The following EBF1 variants were observed in gnomAD, a reference collection of about 807,000 sequenced individuals.
EBF1 encodes EBF transcription factor 1.
Under a neutral mutation model 68.4 loss-of-function variants are expected in EBF1, and 10 were observed. The ratio of observed to expected loss-of-function variants is 0.15; its 90% confidence interval spans 0.09 to 0.25. The LOEUF (loss-of-function observed/expected upper bound fraction) is 0.25. Ranked by LOEUF, EBF1 falls within the 10% of genes least tolerant of loss-of-function variation. EBF1 has a pLI of 1.00. For missense variants in EBF1, 509 were observed against 794.4 expected (o/e 0.64, Z 4.32); for synonymous variants, 298 against 299.8 (o/e 0.99, Z 0.06).
rs538465362 is a variant in EBF1 at position 159,046,597 on chromosome 5, C to T, written c.554+26799G>A. On this transcript the variant is annotated intron_variant, in intron 6 of 15. Coordinates refer to ENST00000313708, the MANE Select transcript of EBF1 (RefSeq NM_024007.5). ...ACTGGAGACTCAAGCTACTAGTGAG[C>T]GTCTTTCTTTTTTTAAACAGGTGCT... Among the ~76,000 whole-genome samples, 6 of 152,212 alleles carry T rather than the reference C, an allele frequency of 3.9e-5. No homozygotes were observed. In the East Asian group the frequency reaches 1.2e-3, roughly 29 times the overall value.
At chr5:158,995,686 T>G (rs78303316) in intron 6 of EBF1, among the ~76,000 whole-genome samples, 1,863 of 152,258 alleles carry the variant, frequency 0.012, 43 homozygotes, top group African/African-American at 0.043. Flanking sequence ...AGGGTCATTG[T>G]AAGGATTAAC....
At chr5:159,015,215 A>G (rs1038358153) in intron 6 of EBF1, among the ~76,000 whole-genome samples, 2 of 152,236 alleles carry the variant, frequency 1.3e-5, no homozygotes, top group Non-Finnish European at 2.9e-5. Context: ...TAAATGTAAT[A>G]GGATGTAACT....
intron 6 of EBF1, among the ~76,000 whole-genome samples, chr5:159,069,188 T>A (rs1233946430): frequency 7.1e-6 from 1 of 141,214 alleles, no homozygotes; most frequent in Admixed American, 7.4e-5. Context: ...TGAGATGGAA[T>A]TTCATCCTTT....
In EBF1 at chr5:158,872,815, A is replaced by G. The variant is rs1797112192; in HGVS notation, c.555-32705T>C. ...GTTAATCAGAGCCCTGCTACATACC[A>G]TTAATTCAGTTCAATACAATGGGTA... On this transcript the variant is annotated intron_variant, in intron 6 of 15. Transcript: ENST00000313708. Among the ~76,000 whole-genome samples, 2 of 152,148 alleles carry G rather than the reference A, an allele frequency of 1.3e-5. 1 individual carries two copies. The highest frequency in any genetic ancestry group is 1.3e-4 in the Admixed American group (2 of 15,276).
chr5:158,852,703 A>T (rs1012821783), intron 6 of EBF1, among the ~76,000 whole-genome samples: 37 of 152,336 alleles, frequency 2.4e-4, no homozygotes, highest in Non-Finnish European at 4.4e-4. Flanking sequence ...CATAATGCAA[A>T]ATAGAGTCTG....
In EBF1 at chr5:158,713,289, T is replaced by C. The variant is rs1581235284; in HGVS notation, c.1192-142A>G. On this transcript the variant is annotated intron_variant, in intron 12 of 15. Coordinates refer to ENST00000313708, the MANE Select transcript of EBF1 (RefSeq NM_024007.5). Reference sequence around the variant, plus strand: ...TGTGACCCTCATGACAAACCTGTTATATTAGTCTCACCATCATCATGCCTG... The same window carrying C: ...TGTGACCCTCATGACAAACCTGTTACATTAGTCTCACCATCATCATGCCTG... The C allele has an allele frequency of 7.0e-6, 5 of 711,662 alleles. No homozygotes were observed. In the East Asian group the frequency reaches 1.7e-4, roughly 24 times the overall value. The allele number at this position is 711,662 out of a possible 1,614,324, so 44.1% of individuals were successfully genotyped here. A position where few individuals can be genotyped will look rare whatever the true frequency, so the allele number is the denominator to read the frequency against.
At chr5:158,700,527 AG>A (rs1756509720) in intron 15 of EBF1, among the ~76,000 whole-genome samples, 1 of 150,698 alleles carries the variant, frequency 6.6e-6, no homozygotes, top group Non-Finnish European at 1.5e-5. Context: ...AAAAAAAAAA[AG>A]CGAACCCCAG....
At chr5:158,758,046 C>A (rs2059778074) in intron 10 of EBF1, among the ~76,000 whole-genome samples, 2 of 152,130 alleles carry the variant, frequency 1.3e-5, no homozygotes, top group African/African-American at 4.8e-5. Context: ...TTCATGTGCA[C>A]CTTTTATCAT....
At chr5:158,837,188 G>A (rs1788996082) in intron 7 of EBF1, among the ~76,000 whole-genome samples, 1 of 152,164 alleles carries the variant, frequency 6.6e-6, no homozygotes, top group African/African-American at 2.4e-5. Context: ...TCATGATTGG[G>A]AGGTAGATGT....
chr5:158,902,359 A>G (rs913135011), intron 6 of EBF1, among the ~76,000 whole-genome samples: 8 of 151,954 alleles, frequency 5.3e-5, no homozygotes, highest in African/African-American at 1.7e-4. Context: ...CCAAGTCACA[A>G]GCTGACTTGA....
chr5:158,892,690 T>G (rs1801416294), intron 6 of EBF1, among the ~76,000 whole-genome samples: 1 of 152,190 alleles, frequency 6.6e-6, no homozygotes, highest in Non-Finnish European at 1.5e-5. Context: ...AACTTAGACA[T>G]GGGTACAATC....
intron 8 of EBF1, among the ~76,000 whole-genome samples, chr5:158,813,564 A>G (rs1783121263): frequency 6.6e-6 from 1 of 152,178 alleles, no homozygotes; most frequent in African/African-American, 2.4e-5. Context: ...GCATTTTGGT[A>G]GCCACTTTTC....
At chr5:158,752,506 T>C (rs1769142703) in intron 10 of EBF1, among the ~76,000 whole-genome samples, 1 of 151,938 alleles carries the variant, frequency 6.6e-6, no homozygotes, top group African/African-American at 2.4e-5. Flanking sequence ...TCCTACCCAG[T>C]AGAGCGTGAC....
intron 8 of EBF1, among the ~76,000 whole-genome samples, chr5:158,821,016 T>A (rs1314605511): frequency 6.6e-6 from 1 of 152,166 alleles, no homozygotes; most frequent in Non-Finnish European, 1.5e-5. Flanking sequence ...CTGGCCCCAC[T>A]TGGGCTCTCA....
At chr5:159,086,306 TACATA>T (rs1191999086) in intron 4 of EBF1, among the ~76,000 whole-genome samples, 4 of 152,312 alleles carry the variant, frequency 2.6e-5, no homozygotes, top group African/African-American at 9.6e-5. Flanking sequence ...GGAATTCTCT[TACATA>T]ACCACAGTAC....
chr5:158,699,298 C>T (rs763484541), intron 15 of EBF1, among the ~76,000 whole-genome samples, 156 bp from the exon 16 acceptor site: 7 of 151,536 alleles, frequency 4.6e-5, no homozygotes, highest in Admixed American at 2.0e-4. Context: ...AATGAATTTT[C>T]GTTATAAAAT....
intron 9 of EBF1, among the ~76,000 whole-genome samples, chr5:158,790,232 T>A (rs934014030): frequency 1.3e-5 from 2 of 152,356 alleles, no homozygotes; most frequent in South Asian, 2.1e-4. Flanking sequence ...CAAAATCATA[T>A]AGCATCTAAT....
intron 8 of EBF1, among the ~76,000 whole-genome samples, chr5:158,816,852 C>T (rs981825616): frequency 1.6e-4 from 24 of 152,092 alleles, no homozygotes; most frequent in African/African-American, 4.6e-4. Context: ...GAACACATGC[C>T]CTATTGATAC....
chr5:159,032,169 A>C (rs943001654), intron 6 of EBF1, among the ~76,000 whole-genome samples: 1 of 152,124 alleles, frequency 6.6e-6, no homozygotes, highest in Non-Finnish European at 1.5e-5. Context: ...AACAACTACC[A>C]CTTATTTATA....
Sources: gnomAD v4.1 joint callset for allele counts (sites outside exome capture counted in the v4.1 genomes callset) on GRCh38, gnomAD v4.1.1 for gene constraint, MANE v1.5 for transcripts, NCBI Gene and HGNC (gene_info 2026-07-23, HGNC 2026-07-21) for gene names.